GABRA5: variants seen among roughly 807,000 people sequenced by gnomAD.
The protein encoded by GABRA5 is gamma-aminobutyric acid receptor subunit alpha-5.
Under a neutral mutation model 47.3 loss-of-function variants are expected in GABRA5, and 18 were observed. That is an observed-to-expected ratio of 0.38 (90% confidence interval 0.26 to 0.56). The LOEUF (loss-of-function observed/expected upper bound fraction) is 0.56, where lower values mean the gene tolerates loss of function less well. Among genes scored for constraint, GABRA5 ranks in the 20% least tolerant of loss-of-function variants. The probability of loss-of-function intolerance (pLI) is 0.71; values close to 1 mark genes in which losing one functional copy is unlikely to be tolerated. For missense variants in GABRA5, 365 were observed against 599.3 expected, an observed-to-expected ratio of 0.61 and a Z score of 4.08; for synonymous variants, 237 against 229.3, an observed-to-expected ratio of 1.03 and a Z score of -0.30.
intron 6 of GABRA5, among the ~76,000 whole-genome samples, chr15:26,894,572 G>A (rs1044784303): frequency 3.3e-5 from 5 of 152,060 alleles, no homozygotes; most frequent in Non-Finnish European, 7.3e-5. Flanking sequence ...CTCTTCTCCT[G>A]GTCAAATCCA....
chr15:26,939,261 T>A (rs771853567), intron 8 of GABRA5: 7 of 765,166 alleles, frequency 9.1e-6, no homozygotes, highest in Non-Finnish European at 1.7e-5. Context: ...GACGGCATCA[T>A]TCTCAGCAAT....
chr15:26,880,432 G>C (rs548263881), intron 3 of GABRA5: 1 of 154,908 alleles, frequency 6.5e-6, no homozygotes, highest in Non-Finnish European at 1.4e-5. Context: ...CCATGCCCCA[G>C]CGCCCAGTGC....
chr15:26,936,723 C>G (rs775316342), intron 7 of GABRA5, among the ~76,000 whole-genome samples: 1 of 152,114 alleles, frequency 6.6e-6, no homozygotes, highest in African/African-American at 2.4e-5. Flanking sequence ...TGCGGCCGGG[C>G]GCTGCTTCAG....
At chr15:26,882,785 G>C (rs907781960) in intron 4 of GABRA5, among the ~76,000 whole-genome samples, 2 of 152,080 alleles carry the variant, frequency 1.3e-5, no homozygotes, top group African/African-American at 2.4e-5. Context: ...GCCCCTCTCT[G>C]TGGCGACGGC....
chr15:26,943,968 G>C (rs1343081576), intron 10 of GABRA5, among the ~76,000 whole-genome samples: 2 of 152,182 alleles, frequency 1.3e-5, no homozygotes, highest in Non-Finnish European at 2.9e-5. Flanking sequence ...AAGAAAAAAT[G>C]TTATTCCAAG....
chr15:26,925,764 C>T (rs1256546451), intron 7 of GABRA5, among the ~76,000 whole-genome samples: 1 of 152,108 alleles, frequency 6.6e-6, no homozygotes, highest in Non-Finnish European at 1.5e-5. Flanking sequence ...GCTCTGGATT[C>T]TGTTAAATTT....
At chr15:26,938,748 T>C (rs1894308901) in intron 8 of GABRA5, among the ~76,000 whole-genome samples, 1 of 152,254 alleles carries the variant, frequency 6.6e-6, no homozygotes, top group African/African-American at 2.4e-5. Context: ...ACTGCGGGCC[T>C]GTCCAGGCAC....
At chr15:26,911,398 A>AACACACACAAACACACACAC (rs1555391773) in intron 6 of GABRA5, among the ~76,000 whole-genome samples, 3 of 96,782 alleles carry the variant, frequency 3.1e-5, no homozygotes, top group Admixed American at 1.2e-4. Context: ...CACACACACA[A>AACACACACAAACACACACAC]ACACACACAC....
intron 7 of GABRA5, among the ~76,000 whole-genome samples, chr15:26,934,263 AAAAAG>A (rs1208199709): frequency 5.9e-5 from 9 of 151,474 alleles, no homozygotes; most frequent in Admixed American, 4.6e-4. Flanking sequence ...AAAAAAAAAA[AAAAAG>A]AAAGAAAGAA....
At chr15:26,930,016 TTTTTTTG>T (rs1555392977) in intron 7 of GABRA5, among the ~76,000 whole-genome samples, 1 of 128,416 alleles carries the variant, frequency 7.8e-6, no homozygotes, top group African/African-American at 2.9e-5. Flanking sequence ...CTTTTTTTTT[TTTTTTTG>T]TTTTTTGTTT....
intron 9 of GABRA5, among the ~76,000 whole-genome samples, chr15:26,941,717 A>C (rs893108821): frequency 6.6e-6 from 1 of 152,070 alleles, no homozygotes; most frequent in African/African-American, 2.4e-5. Flanking sequence ...GAGGCCTGCA[A>C]GGGAAGGATC....
intron 10 of GABRA5, 128 bp from the exon 11 acceptor site, chr15:26,947,806 T>C (rs755927712): frequency 2.4e-4 from 188 of 771,706 alleles, no homozygotes; most frequent in Non-Finnish European, 3.6e-4. Flanking sequence ...GCGACATCAG[T>C]GGAGGAGGGC....
chr15:26,870,348 G>A (rs1892434819), intron 3 of GABRA5, among the ~76,000 whole-genome samples: 1 of 152,218 alleles, frequency 6.6e-6, no homozygotes. Flanking sequence ...AGGGGTGGGT[G>A]TGGGGGCCTT....
chr15:26,912,995 C>T (rs1455708669), intron 6 of GABRA5, among the ~76,000 whole-genome samples: 1 of 152,082 alleles, frequency 6.6e-6, no homozygotes, highest in Non-Finnish European at 1.5e-5. Context: ...CCAGCCTGGC[C>T]AACATGGTGA....
chr15:26,945,809 T>C (rs1462816633), intron 10 of GABRA5, among the ~76,000 whole-genome samples: 2 of 151,922 alleles, frequency 1.3e-5, no homozygotes, highest in Non-Finnish European at 2.9e-5. Context: ...GGGTGCTCCC[T>C]GCCACCCGCC....
intron 6 of GABRA5, among the ~76,000 whole-genome samples, chr15:26,890,694 C>T (rs926780755): frequency 1.1e-4 from 16 of 152,282 alleles, no homozygotes; most frequent in African/African-American, 3.9e-4. Flanking sequence ...GTGTTCCCCA[C>T]AGAGCGTCTT....
At chr15:26,941,041 A>G (rs1195611525) in intron 9 of GABRA5, among the ~76,000 whole-genome samples, 1 of 152,208 alleles carries the variant, frequency 6.6e-6, no homozygotes, top group Non-Finnish European at 1.5e-5. Flanking sequence ...ATGCTCCCCC[A>G]GGGTGTAGGC....
intron 7 of GABRA5, among the ~76,000 whole-genome samples, chr15:26,920,476 C>T (rs915878092): frequency 6.6e-6 from 1 of 151,990 alleles, no homozygotes; most frequent in South Asian, 2.1e-4. Flanking sequence ...TATTTTCTGT[C>T]TTTTTATTGA....
At chr15:26,890,963 T>G (rs904477577) in intron 6 of GABRA5, among the ~76,000 whole-genome samples, 1 of 152,222 alleles carries the variant, frequency 6.6e-6, no homozygotes, top group Non-Finnish European at 1.5e-5. Context: ...TGCTTAGGTT[T>G]CTGCCAATTT....
Sources: gnomAD v4.1 joint callset for allele counts (sites outside exome capture counted in the v4.1 genomes callset) on GRCh38, gnomAD v4.1.1 for gene constraint, MANE v1.5 for transcripts, NCBI Gene and HGNC (gene_info 2026-07-23, HGNC 2026-07-21) for gene names.